RIF1: variants seen among roughly 807,000 people sequenced by gnomAD.
RIF1 encodes telomere-associated protein RIF1.
A neutral mutation model predicts 247.1 loss-of-function variants in RIF1; 45 were observed. The observed-to-expected ratio is 0.18, with a 90% CI of 0.14 to 0.23. The LOEUF is 0.23. RIF1 is among the 10% of genes least tolerant of loss of function. The pLI, the probability that RIF1 is intolerant of heterozygous loss-of-function variation, is 1.00. For synonymous variants in RIF1, 1,087 were observed against 978.8 expected, an observed-to-expected ratio of 1.11 and a Z score of -2.06; for missense variants, 2,967 against 2,862.5, an observed-to-expected ratio of 1.04 and a Z score of -0.83.
chr2:151,439,800 C>G (rs1691929986), intron 14 of RIF1, among the ~76,000 whole-genome samples: 1 of 150,314 alleles, frequency 6.7e-6, no homozygotes, highest in African/African-American at 2.4e-5. Flanking sequence ...CCTAGCAAAC[C>G]CGTCTCTACT....
At chr2:151,457,682 T>A (rs935252795) in intron 23 of RIF1, 79 bp from the exon 24 acceptor site, 1 of 1,079,968 alleles carries the variant, frequency 9.3e-7, no homozygotes, top group Admixed American at 2.2e-5. Flanking sequence ...GTCTTAATTT[T>A]AAAAATTGAA....
chr2:151,526,149 G>C, the RIF1 span: 5 of 1,613,332 alleles, frequency 3.1e-6, no homozygotes, highest in Non-Finnish European at 2.5e-6. Flanking sequence ...ATGGGCGGCT[G>C]GGGGTTACCT....
rs767682300 is a variant in RIF1 at position 151,410,472 on chromosome 2, G to A, written c.49G>A (p.Glu17Lys). 1.2e-6 allele frequency: 2 copies of A among 1,614,138 alleles called. No individual in the cohort carries two copies. Among genetic ancestry groups the A allele is most frequent in the South Asian group, 2.2e-5 (2 of 91,040 alleles). ...CCTCGCGCCGCTGTTGGAGACTTTG[G>A]AAGACCCTTCTGCCTCCCATGGAGG... ...SPLAPLLETL[E>K]DPSASHGGQT... is the part of the protein sequence containing the mutation. Residue 17 changes from glutamate to lysine, a missense_variant, in exon 2 of 36, where the codon GAA (glutamate) becomes AAA (lysine). Transcript: ENST00000444746.
chr2:151,483,486 A>C (rs1228511007), downstream of RIF1, among the ~76,000 whole-genome samples: 1 of 152,122 alleles, frequency 6.6e-6, no homozygotes, highest in African/African-American at 2.4e-5. Flanking sequence ...AGGGTTAACC[A>C]TGAGTTGATA....
chr2:151,436,903 C>T lies in RIF1; in HGVS notation c.1272C>T (p.Ile424=). The stretch of plus-strand genomic sequence containing the variant: ...CGAATTTAGGTGGAATGGCCACAAT[C>T]CCATCCATTCAACTTTTGGGACTTG... The part of the protein sequence containing the change: ...LSSNLGGMAT[I]PSIQLLGLEM... Residue 424 remains isoleucine, a synonymous_variant, in exon 12 of 36, where the codon ATC becomes ATT. Transcript: ENST00000444746. 1 of 1,613,728 alleles carries T rather than the reference C, an allele frequency of 6.2e-7. No individual in the cohort carries two copies. Among genetic ancestry groups the T allele is most frequent in the Non-Finnish European group, 8.5e-7 (1 of 1,179,760 alleles).
chr2:151,523,548 T>C, the RIF1 span, among the ~76,000 whole-genome samples: 1 of 152,226 alleles, frequency 6.6e-6, no homozygotes, highest in Admixed American at 6.5e-5. Context: ...TAAAGTCCTA[T>C]AGGATCAAAC....
At chr2:151,510,280 A>G (rs1327755530), downstream of RIF1, among the ~76,000 whole-genome samples, 5 of 152,184 alleles carry the variant, frequency 3.3e-5, no homozygotes, top group Non-Finnish European at 7.3e-5. Context: ...TTAATTCTAC[A>G]TGGGTCCTGT....
At chr2:151,513,496 T>G in the RIF1 span, 1 of 966,090 alleles carries the variant, frequency 1.0e-6, no homozygotes, top group Non-Finnish European at 1.6e-6. Flanking sequence ...CTGTCACCAA[T>G]AAATCAGATG....
downstream of RIF1, among the ~76,000 whole-genome samples, chr2:151,512,429 G>C (rs1012635928): frequency 2.0e-5 from 3 of 151,800 alleles, no homozygotes; most frequent in African/African-American, 7.3e-5. Flanking sequence ...GGGCTCAATT[G>C]ATCTTCCCAC....
intron 3 of RIF1, among the ~76,000 whole-genome samples, chr2:151,411,726 G>A (rs528897075): frequency 6.6e-6 from 1 of 152,162 alleles, no homozygotes; most frequent in South Asian, 2.1e-4. Flanking sequence ...TAAAAGTTTT[G>A]CCAGTTGACT....
intron 9 of RIF1, among the ~76,000 whole-genome samples, chr2:151,431,599 C>T (rs1690135762): frequency 6.6e-6 from 1 of 152,086 alleles, no homozygotes; most frequent in Non-Finnish European, 1.5e-5. Flanking sequence ...ACCAGCCTGA[C>T]CAACATGGAG....
At chr2:151,439,047 ATTT>A (rs1302351479) in intron 14 of RIF1, among the ~76,000 whole-genome samples, 1 of 152,232 alleles carries the variant, frequency 6.6e-6, no homozygotes, top group Non-Finnish European at 1.5e-5. Context: ...ATGAGCACAT[ATTT>A]ATACGTTATG....
At chr2:151,522,081 G>A in the RIF1 span, among the ~76,000 whole-genome samples, 18 of 152,270 alleles carry the variant, frequency 1.2e-4, no homozygotes, top group South Asian at 8.3e-4. Flanking sequence ...GGCAGCCCCC[G>A]GGGTTTATAA....
chr2:151,496,045 G>A (rs747745090), intron 10 of RIF1, among the ~76,000 whole-genome samples: 2 of 152,168 alleles, frequency 1.3e-5, no homozygotes, highest in African/African-American at 4.8e-5. Context: ...GCAAAAGGAT[G>A]TTTTATAGGA....
chr2:151,411,460 A>G lies in RIF1; in HGVS notation c.183+122A>G, dbSNP rs143246235. On this transcript the variant is annotated intron_variant, in intron 3 of 35. Transcript: ENST00000444746. ...TGCCCAGGCGAGAGTGCAATGGCTC[A>G]GGCTCGGGCTCGGCTCACTGAAACC... 1.7e-4 allele frequency: 100 copies of G among 605,050 alleles called. 2 individuals are homozygous for G. The East Asian group carries it at 2.9e-3, about 17-fold the overall frequency. The allele number at this position is 605,050 out of a possible 1,614,324, so 37.5% of individuals were successfully genotyped here. A position where few individuals can be genotyped will look rare whatever the true frequency, so the allele number is the denominator to read the frequency against.
In RIF1 at chr2:151,420,122, T is replaced by A. The variant is rs1190191990; in HGVS notation, c.504-68T>A. ...GTACTGTGTATATTTCTGTTTCACC[T>A]ATTTTACTGCTTGTTTAGACTTAAA... On this transcript the variant is annotated intron_variant, in intron 6 of 35. Transcript: ENST00000444746. The A allele has an allele frequency of 2.9e-6, 4 of 1,369,730 alleles. No homozygotes were observed. The Admixed American group carries it at 6.1e-5, about 21-fold the overall frequency. 84.8% of individuals were successfully genotyped at this position (1,369,730 alleles called of 1,614,324 possible).
Position 151,469,719 on chromosome 2 carries a change from G to A in RIF1, c.6950G>A (p.Gly2317Asp). 6.3e-7 allele frequency: 1 copy of A among 1,580,490 alleles called. No homozygotes were observed. The highest frequency in any genetic ancestry group is 8.6e-7 in the Non-Finnish European group (1 of 1,165,522). Residue 2317 changes from glycine to aspartate, a missense_variant, in exon 34 of 36, where the codon GGC (glycine) becomes GAC (aspartate). Around this residue, in one of 7 missense-constraint regions of RIF1, gnomAD observed 2,028 missense variants for 1,825.6 expected, o/e 1.11. Transcript: ENST00000444746. ...GTTTCTGTTTTGTTTAGGGCAAGAG[G>A]CCTGGGACAACTCATTAGAGCTAAG... ...PQITSNMWAR[G>D]LGQLIRAKNI...
intron 34 of RIF1, among the ~76,000 whole-genome samples, chr2:151,473,487 C>T (rs1427497718): frequency 6.6e-6 from 1 of 151,600 alleles, no homozygotes; most frequent in Non-Finnish European, 1.5e-5. Flanking sequence ...ACTATGTTTG[C>T]CAGGCTGGTC....
Position 151,420,226 on chromosome 2 carries a change from G to A in RIF1, c.540G>A (p.Glu180=), listed in dbSNP as rs768470320. 1.7e-5 allele frequency: 28 copies of A among 1,613,972 alleles called. No homozygotes were observed. The East Asian group carries it at 6.2e-4, about 36-fold the overall frequency. Residue 180 remains glutamate, a synonymous_variant, in exon 7 of 36, where the codon GAG becomes GAA. Coordinates refer to ENST00000444746, the MANE Select transcript of RIF1 (RefSeq NM_018151.5). Reference sequence around the variant, plus strand: ...AAGCCCCAATTCAAATGGGAGAAGAGGCAGTGAGGTGGGCAAAACTGGTCA... The same window carrying A: ...AAGCCCCAATTCAAATGGGAGAAGAAGCAGTGAGGTGGGCAAAACTGGTCA... The part of the protein sequence containing the change: ...IEQAPIQMGE[E]AVRWAKLVIP...
Sources: gnomAD v4.1 joint callset for allele counts (sites outside exome capture counted in the v4.1 genomes callset) on GRCh38, gnomAD v4.1.1 for gene constraint, gnomAD v4.1.1 regional missense constraint, MANE v1.5 for transcripts, NCBI Gene and HGNC (gene_info 2026-07-23, HGNC 2026-07-21) for gene names.